Variants in TRPM3 observed in about 807,000 individuals in gnomAD.
TRPM3 encodes transient receptor potential cation channel subfamily M member 3, also known as long transient receptor potential channel 3.
In TRPM3, 77 loss-of-function variants were observed where a neutral mutation model predicts 181.2. That is an observed-to-expected ratio of 0.42 (90% CI 0.35 to 0.51). TRPM3 has a LOEUF of 0.51. TRPM3 is among the 20% of genes least tolerant of loss of function. The pLI, the probability that TRPM3 is intolerant of heterozygous loss-of-function variation, is 0.01. For missense variants in TRPM3, 1,759 were observed against 2,196.7 expected (o/e 0.80, Z 3.98); for synonymous variants, 745 against 796.4 (o/e 0.94, Z 1.09).
chr9:70,621,029 T>C (rs916663959), intron 15 of TRPM3, among the ~76,000 whole-genome samples: 1 of 145,828 alleles, frequency 6.9e-6, no homozygotes, highest in African/African-American at 2.5e-5. Context: ...TATTATTATA[T>C]ATATATAATA....
intron 1 of TRPM3, among the ~76,000 whole-genome samples, chr9:71,133,757 C>A (rs1040472568): frequency 4.6e-5 from 7 of 152,124 alleles, no homozygotes; most frequent in Non-Finnish European, 5.9e-5. Context: ...AAATTTTTAA[C>A]ATTTATATAT....
At chr9:71,066,173 TAC>T (rs765433571) in intron 1 of TRPM3, among the ~76,000 whole-genome samples, 3 of 152,204 alleles carry the variant, frequency 2.0e-5, no homozygotes, top group Non-Finnish European at 4.4e-5. Flanking sequence ...TTCAAAACTT[TAC>T]AGTTATAAAT....
chr9:70,656,760 C>A (rs1033923455), intron 9 of TRPM3, among the ~76,000 whole-genome samples: 2 of 151,848 alleles, frequency 1.3e-5, no homozygotes, highest in Non-Finnish European at 2.9e-5. Flanking sequence ...TGGGTATTTT[C>A]CAATGAAAAT....
chr9:71,009,052 A>T (rs559452589), intron 1 of TRPM3, among the ~76,000 whole-genome samples: 3 of 152,242 alleles, frequency 2.0e-5, no homozygotes, highest in Non-Finnish European at 4.4e-5. Context: ...CTCTCAGCAA[A>T]CTGAGTATAG....
chr9:70,855,438 A>G (rs1436908137), intron 3 of TRPM3, among the ~76,000 whole-genome samples: 2 of 152,334 alleles, frequency 1.3e-5, no homozygotes, highest in East Asian at 3.9e-4. Flanking sequence ...AGCTGTTTCA[A>G]TGAAAATGTA....
At chr9:70,811,417 T>A (rs557062366) in intron 6 of TRPM3, among the ~76,000 whole-genome samples, 32 of 152,304 alleles carry the variant, frequency 2.1e-4, no homozygotes, top group African/African-American at 7.0e-4. Context: ...CTATATCTTG[T>A]CTTATCACTC....
intron 1 of TRPM3, among the ~76,000 whole-genome samples, chr9:71,437,087 T>C (rs2094052946): frequency 6.6e-6 from 1 of 152,212 alleles, no homozygotes; most frequent in African/African-American, 2.4e-5. Flanking sequence ...CACTAACAAA[T>C]TAATGCCATC....
intron 9 of TRPM3, among the ~76,000 whole-genome samples, chr9:70,679,705 G>A (rs1009082667): frequency 3.9e-5 from 6 of 152,118 alleles, no homozygotes; most frequent in African/African-American, 9.7e-5. Flanking sequence ...GTAAAATCTG[G>A]TAATTGAACT....
intron 6 of TRPM3, chr9:70,826,545 A>T (rs1385886215): frequency 2.6e-5 from 4 of 152,238 alleles, no homozygotes; most frequent in African/African-American, 9.6e-5. Context: ...GCAGTCCCTA[A>T]AAGGTGGGAC....
At chr9:71,062,359 A>G (rs545071318) in intron 1 of TRPM3, among the ~76,000 whole-genome samples, 11 of 152,208 alleles carry the variant, frequency 7.2e-5, no homozygotes, top group Middle Eastern at 3.4e-3. Context: ...AAGCCAGCCA[A>G]TGTGATGGTC....
At chr9:70,929,861 T>C (rs530968637) in intron 1 of TRPM3, among the ~76,000 whole-genome samples, 2 of 152,298 alleles carry the variant, frequency 1.3e-5, no homozygotes, top group South Asian at 4.2e-4. Context: ...TATACAAAAT[T>C]AGAATTAGGC....
intron 1 of TRPM3, among the ~76,000 whole-genome samples, chr9:71,042,193 T>G (rs150677149): frequency 2.6e-5 from 4 of 152,162 alleles, no homozygotes; most frequent in African/African-American, 9.6e-5. Context: ...AATATTGAAG[T>G]TGTTATTTGA....
chr9:71,104,064 G>T (rs2068962560), intron 1 of TRPM3, among the ~76,000 whole-genome samples: 1 of 152,064 alleles, frequency 6.6e-6, no homozygotes, highest in Non-Finnish European at 1.5e-5. Context: ...ACAGGAGCGT[G>T]CCACCATGCC....
chr9:70,837,827 A>T (rs2094418839), intron 5 of TRPM3, among the ~76,000 whole-genome samples: 1 of 152,168 alleles, frequency 6.6e-6, no homozygotes, highest in Non-Finnish European at 1.5e-5. Context: ...GATATGTGCC[A>T]ATATCTCAAC....
intron 21 of TRPM3, among the ~76,000 whole-genome samples, chr9:70,591,952 A>T (rs563302179): frequency 1.9e-4 from 29 of 152,336 alleles, no homozygotes; most frequent in Admixed American, 1.6e-3. Flanking sequence ...TACCTGCTGT[A>T]GAAATGATGG....
intron 22 of TRPM3, among the ~76,000 whole-genome samples, chr9:70,569,209 T>A (rs1201827205): frequency 1.3e-5 from 2 of 152,204 alleles, no homozygotes; most frequent in Non-Finnish European, 2.9e-5. Context: ...TTATCCTGCA[T>A]CTGTTTTTAA....
At chr9:70,959,907 T>C (rs2097120473) in intron 1 of TRPM3, among the ~76,000 whole-genome samples, 1 of 152,208 alleles carries the variant, frequency 6.6e-6, no homozygotes, top group African/African-American at 2.4e-5. Context: ...AGGGTAGAGC[T>C]ATCTGATCTC....
chr9:71,312,182 T>G (rs779816390), intron 1 of TRPM3, among the ~76,000 whole-genome samples: 3 of 152,172 alleles, frequency 2.0e-5, no homozygotes, highest in Non-Finnish European at 2.9e-5. Context: ...GATAAAGGAC[T>G]GTTACCCAAA....
intron 1 of TRPM3, among the ~76,000 whole-genome samples, chr9:70,887,678 T>C (rs182043710): frequency 1.3e-5 from 2 of 152,148 alleles, no homozygotes; most frequent in South Asian, 2.1e-4. Flanking sequence ...AGGCAGCCCA[T>C]ACAAATCTAT....
Sources: gnomAD v4.1 joint callset for allele counts (sites outside exome capture counted in the v4.1 genomes callset) on GRCh38, gnomAD v4.1.1 for gene constraint, MANE v1.5 for transcripts, NCBI Gene and HGNC (gene_info 2026-07-23, HGNC 2026-07-21) for gene names.